TRIM63: variants seen among roughly 807,000 people sequenced by gnomAD.
TRIM63 encodes the protein E3 ubiquitin-protein ligase TRIM63.
In TRIM63, 48 loss-of-function variants were observed where a neutral mutation model predicts 46.0. That is an observed-to-expected ratio of 1.04 (90% CI 0.83 to 1.33). The LOEUF is 1.33. TRIM63 is among the 40% of genes most tolerant of loss of function. TRIM63 has a pLI of 0.00. For synonymous variants in TRIM63, 175 were observed against 162.8 expected (o/e 1.08, Z -0.57); for missense variants, 455 against 441.2 (o/e 1.03, Z -0.28).
chr1:26,059,352 T>C (rs924565566), intron 4 of TRIM63, among the ~76,000 whole-genome samples: 1 of 152,092 alleles, frequency 6.6e-6, no homozygotes, highest in African/African-American at 2.4e-5. Flanking sequence ...GTTTCCCTTT[T>C]AGCTGTGTGA....
chr1:26,062,900 C>T (rs541248622), intron 2 of TRIM63, among the ~76,000 whole-genome samples: 3 of 152,180 alleles, frequency 2.0e-5, no homozygotes, highest in East Asian at 3.9e-4. Flanking sequence ...AGATTACAGA[C>T]GTGCACCACC....
Position 26,059,760 on chromosome 1 carries a change from C to T in TRIM63, c.597+506G>A, listed in dbSNP as rs550482562. Among the ~76,000 whole-genome samples, 330 of 152,298 alleles carry T rather than the reference C, an allele frequency of 2.2e-3. 3 individuals carry two copies. Among genetic ancestry groups the T allele is most frequent in the African/African-American group, 7.5e-3 (313 of 41,560 alleles). On this transcript the variant is annotated intron_variant, in intron 4 of 8. Coordinates refer to ENST00000374272, the MANE Select transcript of TRIM63 (RefSeq NM_032588.4). Reference sequence around the variant, plus strand: ...TAGAAAAGTTCCCTTCTGCCCTCAACAGTCTCACTACTCAACATGTGGTCT... The same window carrying T: ...TAGAAAAGTTCCCTTCTGCCCTCAATAGTCTCACTACTCAACATGTGGTCT...
Position 26,058,433 on chromosome 1 carries a change from G to A in TRIM63, c.788C>T (p.Ala263Val), listed in dbSNP as rs1362677517. The change falls in exon 5 of 9, where the codon GCC becomes GTC. Residue 263 changes from alanine to valine, a missense_variant. Ala to Val is a moderately conservative substitution (Grantham distance 64, BLOSUM62 0). Coordinates refer to ENST00000374272, the MANE Select transcript of TRIM63 (RefSeq NM_032588.4). ...CCCAGGCTCGTCCAGGGACTGGATG[G>A]CAGTTTCCACCAGCTTTGTGGACTT... ...LDKSTKLVETAIQSLDEPGGA... is the reference protein window; with the variant it reads ...LDKSTKLVETVIQSLDEPGGA... The A allele has an allele frequency of 1.2e-6, 2 of 1,614,134 alleles. No homozygotes were observed. Among genetic ancestry groups the A allele is most frequent in the East Asian group, 2.2e-5 (1 of 44,874 alleles).
At chr1:26,058,692 A>G (rs1283390333) in intron 4 of TRIM63, 69 bp from the exon 5 acceptor site, 5 of 1,260,758 alleles carry the variant, frequency 4.0e-6, no homozygotes, top group South Asian at 2.5e-5. Context: ...CTGCCTTCCT[A>G]GGACAGTAGC....
At position 26,067,374 on chromosome 1, in the gene TRIM63, G is replaced by C; in HGVS notation, c.121C>G (p.His41Asp). ...TKPVVILPCQ[H>D]NLCRKCANDI... is the part of the protein sequence containing the mutation. ...TTGGCACACTTCCGGCACAGGTTGTGCTGGCACGGCAAGATGACCACTGGC... is the reference window on the plus strand; with the variant it reads ...TTGGCACACTTCCGGCACAGGTTGTCCTGGCACGGCAAGATGACCACTGGC... Residue 41 changes from histidine to aspartate, a missense_variant, in exon 1 of 9, where the codon CAC becomes GAC. Physicochemically the swap from His to Asp is moderately conservative, Grantham distance 81. Coordinates refer to ENST00000374272, the MANE Select transcript of TRIM63 (RefSeq NM_032588.4). 6.2e-7 allele frequency: 1 copy of C among 1,614,202 alleles called. No individual in the cohort carries two copies. Among genetic ancestry groups the C allele is most frequent in the Admixed American group, 1.7e-5 (1 of 60,032 alleles).
intron 5 of TRIM63, among the ~76,000 whole-genome samples, chr1:26,058,031 C>A (rs1372229232): frequency 3.9e-5 from 6 of 152,278 alleles, no homozygotes; most frequent in Admixed American, 1.3e-4. Context: ...TATAACTGAG[C>A]CTTTTCTGTC....
chr1:26,065,180 C>G lies in TRIM63; in HGVS notation c.332+1088G>C, dbSNP rs372294039. ...CTGGGATGACAGGCACGCGCCACCACGCCTGGCTAATTTTTGTATTTTTAG... is the reference window on the plus strand; with the variant it reads ...CTGGGATGACAGGCACGCGCCACCAGGCCTGGCTAATTTTTGTATTTTTAG... On this transcript the variant is annotated intron_variant, in intron 2 of 8. Coordinates refer to ENST00000374272, the MANE Select transcript of TRIM63 (RefSeq NM_032588.4). Among the ~76,000 whole-genome samples, 248 of 152,198 alleles carry G rather than the reference C, an allele frequency of 1.6e-3. 2 individuals are homozygous for G. The highest frequency in any genetic ancestry group is 5.7e-3 in the African/African-American group (236 of 41,534).
rs757143396 is a variant in TRIM63, at chr1:26,061,174, C to T, written c.493G>A (p.Gly165Arg). ...EVAPLQSVFQ[G>R]QKTELNNCIS... ...GTGGCTGGAGACAGTACCTTTTGTC[C>T]CTGGAAGACACTCTGCAATGGGGCC... is the stretch of plus-strand genomic sequence containing the variant. Residue 165 changes from glycine (G) to arginine (R), a missense_variant, in exon 3 of 9, where the codon GGA (glycine) becomes AGA (arginine). Transcript: ENST00000374272. 6.2e-7 allele frequency: 1 copy of T among 1,613,692 alleles called. No individual in the cohort carries two copies. The highest frequency in any genetic ancestry group is 1.7e-5 in the Admixed American group (1 of 59,998).
At chr1:26,064,876 G>A (rs1447022438) in intron 2 of TRIM63, among the ~76,000 whole-genome samples, 2 of 152,196 alleles carry the variant, frequency 1.3e-5, no homozygotes, top group African/African-American at 4.8e-5. Context: ...GCTGGGCACT[G>A]CCTGCAGGCA....
At chr1:26,053,450 C>T (rs1318926866) in intron 8 of TRIM63, among the ~76,000 whole-genome samples, 1 of 151,950 alleles carries the variant, frequency 6.6e-6, no homozygotes, top group African/African-American at 2.4e-5. Context: ...GACAGGGTTT[C>T]ACCATGTTGG....
rs925095757 is a variant in TRIM63, at chr1:26,051,901, A to C, written c.1052-18T>G. 138 of 1,317,724 alleles carry C rather than the reference A, an allele frequency of 1.0e-4. No individual in the cohort carries two copies. The highest frequency in any genetic ancestry group is 1.2e-4 in the Non-Finnish European group (122 of 1,024,530). 81.6% of individuals were successfully genotyped at this position (1,317,724 alleles called of 1,614,324 possible). A position where few individuals can be genotyped will look rare whatever the true frequency, so the allele number is the denominator to read the frequency against. On this transcript the variant is annotated intron_variant, in intron 8 of 8. Transcript: ENST00000374272. ...CTGGTGTCCTGAAATGAAGAAAAAG[A>C]TACAGAGGCAAGGGGTGAGACAGGG...
intron 6 of TRIM63, 87 bp from the exon 7 acceptor site, chr1:26,057,414 C>A (rs904047774): frequency 2.6e-6 from 4 of 1,542,482 alleles, no homozygotes; most frequent in African/African-American, 1.4e-5. Flanking sequence ...CACGCCCAGG[C>A]CTTCTACCCA....
At chr1:26,058,125 C>T (rs940735025) in intron 5 of TRIM63, among the ~76,000 whole-genome samples, 3 of 152,284 alleles carry the variant, frequency 2.0e-5, no homozygotes, top group African/African-American at 7.2e-5. Context: ...ACAGTAGGGG[C>T]TCAATTAATA....
Position 26,060,299 on chromosome 1 carries a change from G to A in TRIM63, c.564C>T (p.Ile188=). Residue 188 remains isoleucine (I), a synonymous_variant, in exon 4 of 9, where the codon ATC becomes ATT. Transcript: ENST00000374272. The part of the protein sequence containing the change: ...VAGNDRVQTI[I]TQLEDSRRVT... Reference sequence around the variant, plus strand: ...CTCGACGGGAATCCTCCAGCTGAGTGATGATGGTCTGCACACGGTCATTCC... The same window carrying A: ...CTCGACGGGAATCCTCCAGCTGAGTAATGATGGTCTGCACACGGTCATTCC... 6.2e-7 allele frequency: 1 copy of A among 1,614,072 alleles called. No homozygotes were observed. Among genetic ancestry groups the A allele is most frequent in the South Asian group, 1.1e-5 (1 of 91,076 alleles).
In TRIM63 at chr1:26,066,312, C is replaced by T; in HGVS notation, c.288G>A (p.Leu96=). The stretch of plus-strand genomic sequence containing the variant: ...AGATGTCGATGATGTTCTCCACCAG[C>T]AGGTTCCTCTGCAGGCCGTACACTC... ...RHGVYGLQRN[L]LVENIIDIYK... The change falls in exon 2 of 9, where the codon CTG becomes CTA. Residue 96 remains leucine (L), a synonymous_variant. Coordinates refer to ENST00000374272, the MANE Select transcript of TRIM63 (RefSeq NM_032588.4). 6.2e-7 allele frequency: 1 copy of T among 1,614,174 alleles called. No individual in the cohort carries two copies. Among genetic ancestry groups the T allele is most frequent in the Non-Finnish European group, 8.5e-7 (1 of 1,180,032 alleles).
chr1:26,055,884 G>A (rs1163096860), intron 7 of TRIM63, among the ~76,000 whole-genome samples: 1 of 152,138 alleles, frequency 6.6e-6, no homozygotes, highest in Non-Finnish European at 1.5e-5. Context: ...ATGTCCCCAA[G>A]GCCATTGGTG....
At position 26,058,616 on chromosome 1, in the gene TRIM63, CT is replaced by C; in HGVS notation, c.604del (p.Ser202ValfsTer4). The C allele has an allele frequency of 6.2e-7, 1 of 1,614,096 alleles. No individual in the cohort carries two copies. The highest frequency in any genetic ancestry group is 1.1e-5 in the South Asian group (1 of 91,084). ...EDSRRVTKEN[S>X]HQVKEELSQK... ...GCTCAGCTCTTCCTTTACCTGGTGA[CT>C]GTTCTCCTGAGGACGGAAGTCTTGT... is the stretch of plus-strand genomic sequence containing the variant. On this transcript the variant is annotated frameshift_variant, in exon 5 of 9. Transcript: ENST00000374272. LOFTEE classifies it high-confidence loss of function.
intron 2 of TRIM63, among the ~76,000 whole-genome samples, chr1:26,065,878 G>A (rs988949865): frequency 3.9e-5 from 6 of 152,206 alleles, no homozygotes; most frequent in Non-Finnish European, 8.8e-5. Context: ...AGTGCCTGAC[G>A]CTGTTCCTCA....
rs762915428 is a variant in TRIM63, at chr1:26,065,214, G to A, written c.332+1054C>T. 2.6e-5 allele frequency among the ~76,000 whole-genome samples: 4 copies of A among 152,206 alleles called. No homozygotes were observed. In the East Asian group the frequency reaches 5.8e-4, roughly 22 times the overall value. On this transcript the variant is annotated intron_variant, in intron 2 of 8. Transcript: ENST00000374272. The stretch of plus-strand genomic sequence containing the variant: ...AATTTTTGTATTTTTAGTAGAGACG[G>A]GGTTTCACCATGTTGGCCAGTCTGG...
Sources: allele counts gnomAD v4.1 joint callset (sites outside exome capture counted in the v4.1 genomes callset), GRCh38; gene constraint gnomAD v4.1.1; transcripts MANE v1.5; gene names NCBI Gene and HGNC (gene_info 2026-07-23, HGNC 2026-07-21).